APP: variants seen among roughly 807,000 people sequenced by gnomAD.
The protein encoded by APP is amyloid-beta precursor protein.
Under a neutral mutation model 101.4 loss-of-function variants are expected in APP, and 31 were observed. The observed-to-expected ratio is 0.31, with a 90% confidence interval of 0.23 to 0.41. APP has a LOEUF of 0.41. Ranked by LOEUF, APP falls within the 10% of genes least tolerant of loss-of-function variation. The pLI is 1.00. For missense variants in APP, 839 were observed against 1,003.7 expected, an observed-to-expected ratio of 0.84 and a Z score of 2.22; for synonymous variants, 366 against 364.4, an observed-to-expected ratio of 1.00 and a Z score of -0.05.
chr21:25,889,180 T>C (rs918142661), intron 17 of APP, among the ~76,000 whole-genome samples: 1 of 152,164 alleles, frequency 6.6e-6, no homozygotes, highest in Non-Finnish European at 1.5e-5. Flanking sequence ...TATTTGCAGA[T>C]AGGGTCGAAG....
rs959321685 is a variant in APP, at chr21:26,049,861, A to C, written c.662+1139T>G. Among the ~76,000 whole-genome samples, 14 of 152,332 alleles carry C rather than the reference A, an allele frequency of 9.2e-5. No homozygotes were observed. The South Asian group carries it at 2.5e-3, about 27-fold the overall frequency. On this transcript the variant is annotated intron_variant, in intron 5 of 17. Coordinates refer to ENST00000346798, the MANE Select transcript of APP (RefSeq NM_000484.4). ...GATCAGAGAGGAATATCAAAGCTAT[A>C]AACCTTATGGTACTATTTCTAAGGA...
intron 15 of APP, among the ~76,000 whole-genome samples, chr21:25,903,368 CAAA>C (rs937462787): frequency 0.027 from 1,819 of 68,530 alleles, 26 homozygotes; most frequent in African/African-American, 0.073. Flanking sequence ...GACTCCATCT[CAAA>C]AAAAAAAAAA....
At chr21:26,038,983 T>C (rs577136121) in intron 5 of APP, among the ~76,000 whole-genome samples, 42 of 152,334 alleles carry the variant, frequency 2.8e-4, no homozygotes, top group Non-Finnish European at 4.9e-4. Flanking sequence ...AAAGCACATT[T>C]TAAACCTTTG....
At chr21:26,112,189 A>C in intron 1 of APP, 43 bp from the exon 2 acceptor site, 15 of 1,597,684 alleles carry the variant, frequency 9.4e-6, no homozygotes, top group Non-Finnish European at 1.3e-5. Context: ...CCATAGCTCC[A>C]AGGCAGAGGC....
At chr21:26,009,952 T>TAAA in intron 6 of APP, 1 of 147,842 alleles carries the variant, frequency 6.8e-6, no homozygotes, top group East Asian at 2.0e-4. Context: ...TGTTCCGGTT[T>TAAA]AAAAAAAAAA....
chr21:26,121,394 C>CTT (rs147930861), intron 1 of APP, among the ~76,000 whole-genome samples: 4 of 149,070 alleles, frequency 2.7e-5, no homozygotes, highest in East Asian at 2.0e-4. Context: ...AGATCCTCAT[C>CTT]TTTTTTTTTT....
chr21:25,958,104 C>G (rs2041404565), intron 11 of APP, among the ~76,000 whole-genome samples: 1 of 152,180 alleles, frequency 6.6e-6, no homozygotes, highest in South Asian at 2.1e-4. Context: ...CCTAAAAGGA[C>G]TGTCACCAAC....
At chr21:26,145,425 G>A (rs1478674989) in intron 1 of APP, among the ~76,000 whole-genome samples, 2 of 152,168 alleles carry the variant, frequency 1.3e-5, no homozygotes, top group East Asian at 1.9e-4. Flanking sequence ...TCCCTCCCAT[G>A]TTTAGTTCAC....
intron 6 of APP, among the ~76,000 whole-genome samples, chr21:26,018,420 A>G (rs2044195875): frequency 6.6e-6 from 1 of 152,240 alleles, no homozygotes; most frequent in Non-Finnish European, 1.5e-5. Flanking sequence ...AAAATGAGTA[A>G]TCACCTATGG....
Position 26,050,996 on chromosome 21 carries a change from T to A in APP, c.662+4A>T. On this transcript the variant is annotated splice_donor_region_variant and intron_variant, in intron 5 of 17. Coordinates refer to ENST00000346798, the MANE Select transcript of APP (RefSeq NM_000484.4). The stretch of plus-strand genomic sequence containing the variant: ...TCTGAGGCTGAACACAAAGGCCACC[T>A]TACCTCCCATCTGCATAGTCTGTGT... 1 of 1,614,080 alleles carries A rather than the reference T, an allele frequency of 6.2e-7. No homozygotes were observed. Among genetic ancestry groups the A allele is most frequent in the Non-Finnish European group, 8.5e-7 (1 of 1,179,982 alleles).
At chr21:25,977,637 T>C (rs938191898) in intron 9 of APP, among the ~76,000 whole-genome samples, 2 of 152,190 alleles carry the variant, frequency 1.3e-5, no homozygotes, top group Non-Finnish European at 2.9e-5. Flanking sequence ...TAGCTTCTTC[T>C]TGTTGTTTTT....
At chr21:26,043,923 T>C (rs1450695152) in intron 5 of APP, among the ~76,000 whole-genome samples, 1 of 152,228 alleles carries the variant, frequency 6.6e-6, no homozygotes, top group Non-Finnish European at 1.5e-5. Context: ...GTCTGAGATA[T>C]GGTATGAACC....
intron 17 of APP, among the ~76,000 whole-genome samples, chr21:25,887,531 A>C (rs917658226): frequency 2.0e-5 from 3 of 151,432 alleles, no homozygotes; most frequent in African/African-American, 2.4e-5. Context: ...AAAAAAAAAA[A>C]AAAAAAAAAC....
chr21:26,014,767 CAGA>C (rs754126947), intron 6 of APP, among the ~76,000 whole-genome samples: 4 of 152,148 alleles, frequency 2.6e-5, no homozygotes, highest in Non-Finnish European at 5.9e-5. Context: ...TAATTGTCAC[CAGA>C]AGAAGAAAAA....
At chr21:25,918,519 T>C (rs1403299019) in intron 13 of APP, among the ~76,000 whole-genome samples, 2 of 151,902 alleles carry the variant, frequency 1.3e-5, no homozygotes, top group African/African-American at 4.8e-5. Flanking sequence ...GGCCAGTGGG[T>C]GCGTGCACCG....
intron 14 of APP, among the ~76,000 whole-genome samples, chr21:25,909,266 C>CAAAAAAA (rs35504500): frequency 1.3e-5 from 1 of 76,204 alleles, no homozygotes; most frequent in Non-Finnish European, 2.9e-5. Context: ...GACTCCGTCT[C>CAAAAAAA]AAAAAAAAAA....
intron 3 of APP, among the ~76,000 whole-genome samples, chr21:26,072,227 A>G (rs13052360): frequency 0.11 from 17,145 of 152,208 alleles, 1,237 homozygotes; most frequent in East Asian, 0.23. Flanking sequence ...ATAACAGGCA[A>G]TATGTGCATT....
intron 5 of APP, among the ~76,000 whole-genome samples, chr21:26,046,569 T>C (rs1233414189): frequency 6.6e-6 from 1 of 151,932 alleles, no homozygotes; most frequent in South Asian, 2.1e-4. Flanking sequence ...ATCATCTAAT[T>C]ATCCAGAAAG....
intron 3 of APP, among the ~76,000 whole-genome samples, chr21:26,085,974 A>C (rs1401477619): frequency 6.6e-6 from 1 of 152,140 alleles, no homozygotes; most frequent in African/African-American, 2.4e-5. Flanking sequence ...CCTTTTTTGG[A>C]TTAAGCTATT....
Sources: gnomAD v4.1 joint callset for allele counts (sites outside exome capture counted in the v4.1 genomes callset) on GRCh38, gnomAD v4.1.1 for gene constraint, MANE v1.5 for transcripts, NCBI Gene and HGNC (gene_info 2026-07-23, HGNC 2026-07-21) for gene names.